GPC5: variants seen among roughly 807,000 people sequenced by gnomAD.
GPC5 encodes the protein glypican 5, also known as glypican-5.
GPC5 carries 47 observed loss-of-function variants against 53.9 expected under a neutral mutation model. The ratio of observed to expected loss-of-function variants is 0.87; its 90% CI spans 0.69 to 1.11. The LOEUF (loss-of-function observed/expected upper bound fraction) is 1.11, where lower values mean the gene tolerates loss of function less well. Among genes scored for constraint, GPC5 ranks in the 50% most tolerant of loss-of-function variants. The probability of loss-of-function intolerance (pLI) is 0.00; values close to 1 mark genes in which losing one functional copy is unlikely to be tolerated. For missense variants in GPC5, 748 were observed against 713.1 expected, an observed-to-expected ratio of 1.05 and a Z score of -0.56; for synonymous variants, 286 against 263.3, an observed-to-expected ratio of 1.09 and a Z score of -0.84.
At chr13:92,150,521 T>A (rs1298493973) in intron 7 of GPC5, among the ~76,000 whole-genome samples, 1 of 152,052 alleles carries the variant, frequency 6.6e-6, no homozygotes, top group Non-Finnish European at 1.5e-5. Flanking sequence ...CTGCCTGCTA[T>A]TTTGTTAACA....
chr13:92,056,326 G>A (rs1293140348), intron 6 of GPC5, among the ~76,000 whole-genome samples: 1 of 152,012 alleles, frequency 6.6e-6, no homozygotes, highest in Non-Finnish European at 1.5e-5. Context: ...AGACCTCCGG[G>A]ATTACACTGG....
chr13:92,389,073 A>G (rs1874876054), intron 7 of GPC5, among the ~76,000 whole-genome samples: 1 of 152,122 alleles, frequency 6.6e-6, no homozygotes, highest in South Asian at 2.1e-4. Flanking sequence ...TTCATAATAC[A>G]CATAGTCGGC....
intron 2 of GPC5, among the ~76,000 whole-genome samples, chr13:91,506,347 C>T (rs973003741): frequency 1.3e-5 from 2 of 152,086 alleles, no homozygotes; most frequent in Non-Finnish European, 2.9e-5. Context: ...TCAGTTTCAT[C>T]GCCTTTATTG....
chr13:92,230,274 T>C (rs927386186), intron 7 of GPC5, among the ~76,000 whole-genome samples: 2 of 152,134 alleles, frequency 1.3e-5, no homozygotes, highest in Admixed American at 1.3e-4. Context: ...GCAACCTTAA[T>C]AGTAAGTTGT....
At chr13:92,557,905 C>T (rs1594303083) in intron 7 of GPC5, among the ~76,000 whole-genome samples, 1 of 151,846 alleles carries the variant, frequency 6.6e-6, no homozygotes, top group Admixed American at 6.6e-5. Flanking sequence ...TGGAACAGTA[C>T]CTGGAATATC....
At chr13:92,295,772 G>A (rs1208042377) in intron 7 of GPC5, among the ~76,000 whole-genome samples, 1 of 152,118 alleles carries the variant, frequency 6.6e-6, no homozygotes, top group Admixed American at 6.5e-5. Flanking sequence ...CATAAGAATA[G>A]CTACTCCTGC....
intron 2 of GPC5, among the ~76,000 whole-genome samples, chr13:91,667,857 G>A (rs1255242131): frequency 6.6e-6 from 1 of 152,120 alleles, no homozygotes; most frequent in Non-Finnish European, 1.5e-5. Context: ...TAGAGAACTA[G>A]GCAATCTCAT....
chr13:92,803,781 G>A (rs952696030), intron 7 of GPC5, among the ~76,000 whole-genome samples: 16 of 151,830 alleles, frequency 1.1e-4, no homozygotes, highest in African/African-American at 1.7e-4. Context: ...ATTGATAAGC[G>A]GATGTTGGGT....
At chr13:91,959,594 G>C (rs1275901106) in intron 6 of GPC5, among the ~76,000 whole-genome samples, 1 of 151,684 alleles carries the variant, frequency 6.6e-6, no homozygotes, top group Non-Finnish European at 1.5e-5. Context: ...ACAACAAAAA[G>C]AAAAACTACA....
rs372306217 is a variant in GPC5, at chr13:91,649,977, CAT to C, written c.326-43208_326-43207del. On this transcript the variant is annotated intron_variant, in intron 2 of 7. Transcript: ENST00000377067. ...TCACAGGAAATTGTAGAAAATGGCA[CAT>C]AGAGTCCCATTATCCCTCTACACAA... is the stretch of plus-strand genomic sequence containing the variant. 1.1e-3 allele frequency among the ~76,000 whole-genome samples: 165 copies of C among 152,208 alleles called. 4 individuals carry two copies. In the South Asian group the frequency reaches 0.033, roughly 30 times the overall value.
intron 6 of GPC5, among the ~76,000 whole-genome samples, chr13:92,064,756 C>CAAAAAAAAAAAAACAAAAAAA (rs1175120330): frequency 1.2e-4 from 4 of 33,644 alleles, no homozygotes; most frequent in Non-Finnish European, 2.2e-4. Context: ...GACTCCGTCT[C>CAAAAAAAAAAAAACAAAAAAA]AAAAAAAAAA....
chr13:92,359,734 G>A (rs2043550748), intron 7 of GPC5, among the ~76,000 whole-genome samples: 2 of 151,594 alleles, frequency 1.3e-5, no homozygotes, highest in East Asian at 1.9e-4. Context: ...AGAGGGCAGA[G>A]GTGCCACAAC....
chr13:92,443,958 A>G (rs544506752), intron 7 of GPC5, among the ~76,000 whole-genome samples: 9 of 152,272 alleles, frequency 5.9e-5, no homozygotes, highest in South Asian at 4.1e-4. Flanking sequence ...GATTCCTATT[A>G]TTTCCCAGTC....
chr13:92,776,769 T>TCATA (rs1178742686), intron 7 of GPC5, among the ~76,000 whole-genome samples: 1 of 152,084 alleles, frequency 6.6e-6, no homozygotes, highest in Non-Finnish European at 1.5e-5. Flanking sequence ...CCAGACCTGA[T>TCATA]CATACCCTGT....
intron 3 of GPC5, among the ~76,000 whole-genome samples, chr13:91,697,926 G>T (rs1191908476): frequency 6.7e-6 from 1 of 149,428 alleles, no homozygotes; most frequent in Non-Finnish European, 1.5e-5. Context: ...TTTTGAGACG[G>T]AGTCTCGCCC....
chr13:91,810,896 C>A (rs2038300573), intron 5 of GPC5, among the ~76,000 whole-genome samples: 2 of 144,744 alleles, frequency 1.4e-5, no homozygotes, highest in Non-Finnish European at 1.5e-5. Flanking sequence ...TTTCTTATTT[C>A]TTTGTTCCTT....
rs377339924 is a variant in GPC5 at position 92,036,430 on chromosome 13, A to G, written c.1402-108400A>G. ...CTGATCAAGTTATAGCAAATATTAT[A>G]AAATAAATTCTCAAGGCGCTTTCTT... On this transcript the variant is annotated intron_variant, in intron 6 of 7. Transcript: ENST00000377067. 1.9e-4 allele frequency among the ~76,000 whole-genome samples: 29 copies of G among 152,346 alleles called. No homozygotes were observed. The South Asian group carries it at 5.8e-3, about 30-fold the overall frequency.
At chr13:91,623,304 G>A (rs983138873) in intron 2 of GPC5, among the ~76,000 whole-genome samples, 4 of 152,136 alleles carry the variant, frequency 2.6e-5, no homozygotes, top group East Asian at 1.9e-4. Context: ...AGTGTCAGTG[G>A]TGCCCAGCAA....
intron 3 of GPC5, among the ~76,000 whole-genome samples, chr13:91,716,152 TGAA>T (rs1053387460): frequency 3.3e-5 from 5 of 152,186 alleles, no homozygotes; most frequent in African/African-American, 1.2e-4. Flanking sequence ...TTATAGTCGT[TGAA>T]GAATGATGGG....
Sources: allele counts gnomAD v4.1 joint callset (sites outside exome capture counted in the v4.1 genomes callset), GRCh38; gene constraint gnomAD v4.1.1; transcripts MANE v1.5; gene names NCBI Gene and HGNC (gene_info 2026-07-23, HGNC 2026-07-21).